The following ASB7 variants were observed in gnomAD, a reference collection of about 807,000 sequenced individuals.
ASB7 encodes ankyrin repeat and SOCS box protein 7.
A neutral mutation model predicts 32.5 loss-of-function variants in ASB7; 4 were observed. The ratio of observed to expected loss-of-function variants is 0.12; its 90% CI spans 0.06 to 0.28. The LOEUF is 0.28. ASB7 is among the 10% of genes least tolerant of loss of function. The probability of loss-of-function intolerance (pLI) is 1.00; values close to 1 mark genes in which losing one functional copy is unlikely to be tolerated. For missense variants in ASB7, 181 were observed against 407.1 expected (o/e 0.44, Z 4.78); for synonymous variants, 172 against 155.6 (o/e 1.11, Z -0.78).
chr15:100,632,245 T>G (rs2039889350), intron 5 of ASB7, among the ~76,000 whole-genome samples: 1 of 152,210 alleles, frequency 6.6e-6, no homozygotes, highest in Non-Finnish European at 1.5e-5. Flanking sequence ...GTCCTGGCAG[T>G]CTGGCTGACT....
In ASB7 at chr15:100,629,837, A is replaced by G. The variant is rs1169011003; in HGVS notation, c.612A>G (p.Ala204=). The G allele has an allele frequency of 1.4e-5, 23 of 1,614,258 alleles. No homozygotes were observed. The highest frequency in any genetic ancestry group is 1.9e-5 in the Non-Finnish European group (22 of 1,180,048). Residue 204 remains alanine, a synonymous_variant, in exon 5 of 6, where the codon GCA becomes GCG. Transcript: ENST00000332783. This position sits in a 1 kb window ranked among gnomAD's most constrained non-coding sequence, Gnocchi z 6.8. Reference sequence around the variant, plus strand: ...GCCGAATGTTCCTTCAGAGAGGGGCAGACACAAACTTGGGTCGCTTAGAAG... The same window carrying G: ...GCCGAATGTTCCTTCAGAGAGGGGCGGACACAAACTTGGGTCGCTTAGAAG... ...SYCRMFLQRG[A]DTNLGRLEDG... is the part of the protein sequence containing the mutation.
chr15:100,607,491 T>C (rs2039655764), intron 2 of ASB7, among the ~76,000 whole-genome samples: 1 of 152,250 alleles, frequency 6.6e-6, no homozygotes, highest in Admixed American at 6.5e-5. Flanking sequence ...TTCAAAGCAG[T>C]GTAGCTGACA....
chr15:100,619,158 G>C lies in ASB7; in HGVS notation c.211+6731G>C, dbSNP rs538611611. ...TTCCTAGATAAAGCGTGGTTGGAGT[G>C]GAAATCTGGAAAGGTGAGGCAAGGA... On this transcript the variant is annotated intron_variant, in intron 4 of 5. Coordinates refer to ENST00000332783, the MANE Select transcript of ASB7 (RefSeq NM_198243.3). 2.0e-5 allele frequency among the ~76,000 whole-genome samples: 3 copies of C among 152,270 alleles called. No homozygotes were observed. The East Asian group carries it at 5.8e-4, about 29-fold the overall frequency.
intron 5 of ASB7, among the ~76,000 whole-genome samples, chr15:100,634,502 A>T (rs1399546506): frequency 6.6e-6 from 1 of 152,158 alleles, no homozygotes; most frequent in Non-Finnish European, 1.5e-5. Context: ...AAAGGAAAGG[A>T]TTGAAAAGAA....
chr15:100,608,416 A>C (rs193236218), intron 2 of ASB7, among the ~76,000 whole-genome samples: 158 of 152,280 alleles, frequency 1.0e-3, no homozygotes, highest in Admixed American at 1.8e-3. Flanking sequence ...CGAATCAGTT[A>C]TTTGTATCAA....
chr15:100,635,298 C>T (rs2141403287), intron 5 of ASB7, among the ~76,000 whole-genome samples: 1 of 152,230 alleles, frequency 6.6e-6, no homozygotes, highest in Non-Finnish European at 1.5e-5. Context: ...TTTAAATTCC[C>T]CGGCTGGTAA....
At chr15:100,615,361 A>G (rs57936483) in intron 4 of ASB7, among the ~76,000 whole-genome samples, 65,821 of 152,124 alleles carry the variant, frequency 0.43, 14,518 homozygotes, top group African/African-American at 0.52. Context: ...TTGGATATTC[A>G]TCAGCAAAGT....
chr15:100,630,926 C>T (rs988358857), intron 5 of ASB7, among the ~76,000 whole-genome samples: 11 of 152,256 alleles, frequency 7.2e-5, no homozygotes, highest in African/African-American at 2.4e-4. Flanking sequence ...TTTGAGCCTT[C>T]GGTCATTATT....
intron 4 of ASB7, among the ~76,000 whole-genome samples, chr15:100,628,618 A>G (rs759168774): frequency 6.6e-6 from 1 of 152,204 alleles, no homozygotes; most frequent in Non-Finnish European, 1.5e-5. Flanking sequence ...GCCATCAAGA[A>G]CCAACCTTTG....
intron 4 of ASB7, among the ~76,000 whole-genome samples, chr15:100,625,889 A>C (rs775923776): frequency 3.9e-5 from 6 of 152,210 alleles, no homozygotes; most frequent in Non-Finnish European, 8.8e-5. Context: ...ATTGATTTTC[A>C]GCAGTGACAC....
At chr15:100,612,503 T>C in intron 4 of ASB7, 76 bp downstream of exon 4, 1 of 1,307,376 alleles carries the variant, frequency 7.6e-7, no homozygotes, top group Non-Finnish European at 1.1e-6. Context: ...TGTCTATTTG[T>C]AATTTTTAAT....
intron 4 of ASB7, among the ~76,000 whole-genome samples, chr15:100,616,289 G>A (rs1240256247): frequency 1.3e-5 from 2 of 150,398 alleles, no homozygotes; most frequent in Admixed American, 1.3e-4. Context: ...ATTTTGCAAT[G>A]TTTTCTCTCT....
At chr15:100,610,450 G>A (rs1003908325) in intron 3 of ASB7, among the ~76,000 whole-genome samples, 5 of 151,264 alleles carry the variant, frequency 3.3e-5, no homozygotes, top group South Asian at 2.1e-4. Flanking sequence ...AGCTCAGATC[G>A]CGCCACTGCA....
chr15:100,630,218 T>C, intron 5 of ASB7, 176 bp downstream of exon 5: 1 of 1,319,092 alleles, frequency 7.6e-7, no homozygotes, highest in Middle Eastern at 2.8e-4. Flanking sequence ...TATCACAAGA[T>C]TTCATAAAAA....
rs149490472 is a variant in ASB7, at chr15:100,605,703, A to C, written c.-174+2390A>C. Among the ~76,000 whole-genome samples, 125 of 152,278 alleles carry C rather than the reference A, an allele frequency of 8.2e-4. 1 individual carries two copies. The highest frequency in any genetic ancestry group is 3.0e-3 in the African/African-American group (123 of 41,554). ...TAGGATGATTGTCTCCTTTCTTGCA[A>C]ACTTTCTAGGAATTGACACATGAGG... On this transcript the variant is annotated intron_variant, in intron 2 of 5. Coordinates refer to ENST00000332783, the MANE Select transcript of ASB7 (RefSeq NM_198243.3).
Position 100,612,151 on chromosome 15 carries a change from C to T in ASB7, c.-51-15C>T, listed in dbSNP as rs542707099. ...TTATTCTAAATTTTACCTTTTCTAC[C>T]TTCTCTTCTTAAAGGCTGATCCCCG... On this transcript the variant is annotated splice_polypyrimidine_tract_variant and intron_variant, in intron 3 of 5. Coordinates refer to ENST00000332783, the MANE Select transcript of ASB7 (RefSeq NM_198243.3). 10 of 1,404,572 alleles carry T rather than the reference C, an allele frequency of 7.1e-6. No homozygotes were observed. In the South Asian group the frequency reaches 9.5e-5, roughly 13 times the overall value. 87.0% of individuals were successfully genotyped at this position (1,404,572 alleles called of 1,614,324 possible).
At chr15:100,632,039 T>C (rs1242001993) in intron 5 of ASB7, among the ~76,000 whole-genome samples, 2 of 152,222 alleles carry the variant, frequency 1.3e-5, no homozygotes, top group Non-Finnish European at 2.9e-5. Context: ...GACAAGCACG[T>C]GGGCGGCTGC....
chr15:100,619,462 A>G (rs2039772649), intron 4 of ASB7, among the ~76,000 whole-genome samples: 2 of 152,244 alleles, frequency 1.3e-5, no homozygotes, highest in African/African-American at 4.8e-5. Flanking sequence ...TAGCTGGGAT[A>G]TGAGGTGAGA....
rs1414898307 is a variant in ASB7, at chr15:100,649,690, A to G, written c.*1228A>G. The G allele has an allele frequency of 6.6e-6, 1 of 152,246 alleles. No individual in the cohort carries two copies. The highest frequency in any genetic ancestry group is 1.5e-5 in the Non-Finnish European group (1 of 68,054). 9.4% of individuals were successfully genotyped at this position (152,246 alleles called of 1,614,324 possible). On this transcript the variant is annotated 3_prime_UTR_variant, in exon 6 of 6. Coordinates refer to ENST00000332783, the MANE Select transcript of ASB7 (RefSeq NM_198243.3). ...TTGGGCATATGTTTGCCGTGTAAAC[A>G]CGGATATGATAAAGTGTCAGTAACA...
Sources: allele counts gnomAD v4.1 joint callset (sites outside exome capture counted in the v4.1 genomes callset), GRCh38; gene constraint gnomAD v4.1.1; non-coding constraint Gnocchi (gnomAD v3.1); transcripts MANE v1.5; gene names NCBI Gene and HGNC (gene_info 2026-07-23, HGNC 2026-07-21).